CALCRL: variants seen among roughly 807,000 people sequenced by gnomAD.
CALCRL encodes calcitonin receptor like receptor.
In CALCRL, 27 loss-of-function variants were observed where a neutral mutation model predicts 60.4. The observed-to-expected ratio is 0.45, with a 90% CI of 0.33 to 0.62. The LOEUF is 0.62. Ranked by LOEUF, CALCRL falls within the 20% of genes least tolerant of loss-of-function variation. The pLI, the probability that CALCRL is intolerant of heterozygous loss-of-function variation, is 0.03. For synonymous variants in CALCRL, 190 were observed against 182.6 expected (o/e 1.04, Z -0.33); for missense variants, 424 against 540.7 (o/e 0.78, Z 2.14).
chr2:187,349,460 AAT>A (rs1186443660), intron 14 of CALCRL, among the ~76,000 whole-genome samples: 1 of 151,710 alleles, frequency 6.6e-6, no homozygotes, highest in Non-Finnish European at 1.5e-5. Context: ...GTTGGAACAA[AAT>A]GAATTTGGCA....
At chr2:187,406,858 G>T (rs1240775354) in intron 1 of CALCRL, among the ~76,000 whole-genome samples, 1 of 152,000 alleles carries the variant, frequency 6.6e-6, no homozygotes, top group Non-Finnish European at 1.5e-5. Context: ...AAATCTTTTA[G>T]ATGTATGCAG....
intron 14 of CALCRL, among the ~76,000 whole-genome samples, chr2:187,349,916 A>G (rs1202313378): frequency 6.6e-6 from 1 of 151,668 alleles, no homozygotes; most frequent in African/African-American, 2.4e-5. Context: ...AATAATAAGT[A>G]TACTGAGAAT....
At chr2:187,384,083 G>A (rs1368787279) in intron 4 of CALCRL, among the ~76,000 whole-genome samples, 1 of 151,636 alleles carries the variant, frequency 6.6e-6, no homozygotes, top group Admixed American at 6.6e-5. Flanking sequence ...TCCTTCCTTT[G>A]CCTCCTCATT....
In CALCRL at chr2:187,349,279, C is replaced by A. The variant is rs1686419854; in HGVS notation, c.1170+2641G>T. ...AGTAATCCAAGCACTTGTCAAGCCACATTTATTTAACTAGTGAGAAATGCT... is the reference window on the plus strand; with the variant it reads ...AGTAATCCAAGCACTTGTCAAGCCAAATTTATTTAACTAGTGAGAAATGCT... On this transcript the variant is annotated intron_variant, in intron 14 of 14. Coordinates refer to ENST00000392370, the MANE Select transcript of CALCRL (RefSeq NM_005795.6). 2.0e-5 allele frequency among the ~76,000 whole-genome samples: 3 copies of A among 151,514 alleles called. No individual in the cohort carries two copies. In the South Asian group the frequency reaches 6.2e-4, roughly 31 times the overall value.
intron 8 of CALCRL, among the ~76,000 whole-genome samples, chr2:187,374,780 C>T (rs113931302): frequency 2.6e-5 from 4 of 152,126 alleles, no homozygotes; most frequent in African/African-American, 7.2e-5. Flanking sequence ...TACTCATTGA[C>T]GGGCTCCTAA....
chr2:187,378,776 T>C lies in CALCRL; in HGVS notation c.500+164A>G, dbSNP rs192794580. Among the ~76,000 whole-genome samples, 43 of 152,280 alleles carry C rather than the reference T, an allele frequency of 2.8e-4. No homozygotes were observed. In the East Asian group the frequency reaches 8.3e-3, roughly 29 times the overall value. On this transcript the variant is annotated intron_variant, in intron 8 of 14. Coordinates refer to ENST00000392370, the MANE Select transcript of CALCRL (RefSeq NM_005795.6). ...AGGTTAAGATATTTCATCAGTCTCC[T>C]CTACATATTTTACAAAGCTAAGATC... is the stretch of plus-strand genomic sequence containing the variant.
In CALCRL at chr2:187,411,544, AT is replaced by A. The variant is rs201720425; in HGVS notation, c.-292-23789del. 3.9e-5 allele frequency among the ~76,000 whole-genome samples: 6 copies of A among 152,154 alleles called. 1 individual carries two copies. Among genetic ancestry groups the A allele is most frequent in the African/African-American group, 9.7e-5 (4 of 41,428 alleles). On this transcript the variant is annotated intron_variant, in intron 1 of 14. Transcript: ENST00000392370. The stretch of plus-strand genomic sequence containing the variant: ...TCAAAATTTTAACTGAGAAAAAAAA[AT>A]TATTTAGTGATGGATCATGAAATGG...
intron 1 of CALCRL, among the ~76,000 whole-genome samples, chr2:187,429,946 C>T (rs1361496372): frequency 1.3e-5 from 2 of 152,170 alleles, no homozygotes; most frequent in Non-Finnish European, 2.9e-5. Context: ...ATGACTGATA[C>T]ACACAGATAG....
chr2:187,440,338 T>C (rs184977424), intron 1 of CALCRL, among the ~76,000 whole-genome samples: 4 of 152,288 alleles, frequency 2.6e-5, no homozygotes, highest in African/African-American at 7.2e-5. Flanking sequence ...CTAAACTATT[T>C]TGAGTAATTA....
At chr2:187,411,655 G>A (rs1309151567) in intron 1 of CALCRL, among the ~76,000 whole-genome samples, 1 of 152,022 alleles carries the variant, frequency 6.6e-6, no homozygotes, top group African/African-American at 2.4e-5. Context: ...AATATTATGA[G>A]GTATTGTGAC....
intron 12 of CALCRL, among the ~76,000 whole-genome samples, chr2:187,355,625 T>C (rs1369000972): frequency 6.6e-6 from 1 of 151,994 alleles, no homozygotes; most frequent in African/African-American, 2.4e-5. Flanking sequence ...ATGAAAAATA[T>C]CACATACATA....
chr2:187,355,640 A>G (rs1288513775), intron 12 of CALCRL, among the ~76,000 whole-genome samples: 1 of 152,064 alleles, frequency 6.6e-6, no homozygotes, highest in African/African-American at 2.4e-5. Context: ...TACATACACA[A>G]GCACATATAT....
intron 5 of CALCRL, among the ~76,000 whole-genome samples, chr2:187,382,067 G>A (rs1268852195): frequency 3.9e-5 from 6 of 152,040 alleles, no homozygotes; most frequent in Admixed American, 1.3e-4. Context: ...GTTTTAGAAA[G>A]CATCTCAGAT....
intron 9 of CALCRL, among the ~76,000 whole-genome samples, chr2:187,361,739 A>G (rs998779519): frequency 4.6e-5 from 7 of 151,948 alleles, no homozygotes; most frequent in African/African-American, 1.4e-4. Context: ...TAGATAAAAA[A>G]ACTTAGTACC....
intron 1 of CALCRL, 93 bp from the exon 2 acceptor site, chr2:187,387,849 C>T (rs981194624): frequency 3.2e-5 from 12 of 372,726 alleles, no homozygotes; most frequent in Non-Finnish European, 5.7e-5. Context: ...AATACTGCTA[C>T]TAAGATCATA....
chr2:187,415,547 A>G, intron 1 of CALCRL: 2 of 450,724 alleles, frequency 4.4e-6, no homozygotes, highest in African/African-American at 2.1e-5. Flanking sequence ...GGGACAGGAA[A>G]CTCTGCCAAT....
chr2:187,445,976 T>A (rs1391400323), intron 1 of CALCRL, among the ~76,000 whole-genome samples: 1 of 151,550 alleles, frequency 6.6e-6, no homozygotes, highest in Non-Finnish European at 1.5e-5. Context: ...ATTATAAAAA[T>A]CTACATATTT....
Position 187,346,296 on chromosome 2 carries a change from G to A in CALCRL, c.1274C>T (p.Thr425Ile), listed in dbSNP as rs1397660163. Residue 425 changes from threonine to isoleucine, a missense_variant, in exon 15 of 15, where the codon ACA (threonine) becomes ATA (isoleucine). Thr to Ile is a moderately conservative substitution (Grantham distance 89, BLOSUM62 -1). Coordinates refer to ENST00000392370, the MANE Select transcript of CALCRL (RefSeq NM_005795.6). ...ACTATAACCTGGACCATCACTGATT[G>A]TTGACACTGTGTAAGACGCACTACG... ...ALRSASYTVS[T>I]ISDGPGYSHD... is the part of the protein sequence containing the mutation. 2 of 1,612,238 alleles carry A rather than the reference G, an allele frequency of 1.2e-6. No individual in the cohort carries two copies. Among genetic ancestry groups the A allele is most frequent in the African/African-American group, 1.3e-5 (1 of 74,796 alleles).
chr2:187,345,979 CA>C lies in CALCRL; in HGVS notation c.*204del. The C allele has an allele frequency of 2.2e-6, 1 of 452,920 alleles. No individual in the cohort carries two copies. The highest frequency in any genetic ancestry group is 5.8e-4 in the Middle Eastern group (1 of 1,724). The allele number at this position is 452,920 out of a possible 1,614,324, so 28.1% of individuals were successfully genotyped here. On this transcript the variant is annotated 3_prime_UTR_variant, in exon 15 of 15. Coordinates refer to ENST00000392370, the MANE Select transcript of CALCRL (RefSeq NM_005795.6). ...CAGGCATAGTGGGAGTATTTACTGA[CA>C]AACATTACAAACCAGGATTTCTTTT...
Sources: allele counts gnomAD v4.1 joint callset (sites outside exome capture counted in the v4.1 genomes callset), GRCh38; gene constraint gnomAD v4.1.1; transcripts MANE v1.5; gene names NCBI Gene and HGNC (gene_info 2026-07-23, HGNC 2026-07-21).